Variants in ANPEP observed in about 807,000 individuals in gnomAD.
The protein encoded by ANPEP is alanyl aminopeptidase, membrane, also known as aminopeptidase N.
Under a neutral mutation model 114.6 loss-of-function variants are expected in ANPEP, and 70 were observed. The ratio of observed to expected loss-of-function variants is 0.61; its 90% CI spans 0.50 to 0.75. The LOEUF (loss-of-function observed/expected upper bound fraction) is 0.75. Among genes scored for constraint, ANPEP ranks in the 30% least tolerant of loss-of-function variants. ANPEP has a pLI of 0.00. For synonymous variants in ANPEP, 548 were observed against 522.3 expected (o/e 1.05, Z -0.67); for missense variants, 1,184 against 1,259.5 (o/e 0.94, Z 0.91).
chr15:89,793,501 G>T (rs1025422418), intron 15 of ANPEP, among the ~76,000 whole-genome samples: 2 of 152,040 alleles, frequency 1.3e-5, no homozygotes, highest in Non-Finnish European at 2.9e-5. Context: ...AGGAGTTCGA[G>T]ATCAGCCTGG....
Position 89,803,728 on chromosome 15 carries a change from G to A in ANPEP, c.1356C>T (p.Ser452=). The A allele has an allele frequency of 6.2e-7, 1 of 1,612,820 alleles. No homozygotes were observed. Among genetic ancestry groups the A allele is most frequent in the Non-Finnish European group, 8.5e-7 (1 of 1,179,242 alleles). Residue 452 remains serine, a synonymous_variant, in exon 8 of 21, where the codon TCC becomes TCT. Coordinates refer to ENST00000300060, the MANE Select transcript of ANPEP (RefSeq NM_001150.3). The surrounding 1 kb of genome is among the most constrained non-coding windows in gnomAD (Gnocchi z 4.2). The stretch of plus-strand genomic sequence containing the variant: ...CCGAGGCGGGTGTGGACAGCGGGTG[G>A]GAGGAGGCCAGTGCATCCACTGCCA... ...RVMAVDALAS[S]HPLSTPASEI...
Position 89,805,406 on chromosome 15 carries a change from G to C in ANPEP, c.672C>G (p.Phe224Leu). The C allele has an allele frequency of 6.2e-7, 1 of 1,614,176 alleles. No homozygotes were observed. Among genetic ancestry groups the C allele is most frequent in the Non-Finnish European group, 8.5e-7 (1 of 1,180,018 alleles). The change falls in exon 3 of 21, where the codon TTC becomes TTG. Residue 224 changes from phenylalanine to leucine, a missense_variant. Physicochemically the swap from Phe to Leu is conservative, Grantham distance 22. Transcript: ENST00000300060. ...AADARKSFPC[F>L]DEPAMKAEFN... Reference sequence around the variant, plus strand: ...ACTCGGCCTTCATGGCCGGCTCATCGAAGCATGGGAAGGACTTCCGGGCAT... The same window carrying C: ...ACTCGGCCTTCATGGCCGGCTCATCCAAGCATGGGAAGGACTTCCGGGCAT...
At chr15:89,788,537 T>C (rs752146370) in intron 20 of ANPEP, among the ~76,000 whole-genome samples, 7 of 152,178 alleles carry the variant, frequency 4.6e-5, no homozygotes, top group Non-Finnish European at 1.0e-4. Flanking sequence ...ATAAAAATGT[T>C]CTGGAATTAG....
chr15:89,804,442 G>A (rs775243670), intron 5 of ANPEP, 35 bp from the exon 6 acceptor site: 18 of 1,613,940 alleles, frequency 1.1e-5, no homozygotes, highest in South Asian at 5.5e-5. Context: ...GATGAACTCC[G>A]GGAGTGGAGC....
chr15:89,803,911 T>G lies in ANPEP; in HGVS notation c.1271A>C (p.Tyr424Ser). ...ASYVEYLGAD[Y>S]AEPTWNLKDL... is the part of the protein sequence containing the mutation. The stretch of plus-strand genomic sequence containing the variant: ...TACCAAGTTCCAGGTGGGCTCCGCA[T>G]AGTCAGCACCCAGGTACTCCACGTA... The change falls in exon 7 of 21, where the codon TAT (tyrosine) becomes TCT (serine). Residue 424 changes from tyrosine (Y) to serine (S), a missense_variant. Physicochemically the swap from Tyr to Ser is moderately radical, Grantham distance 144. Transcript: ENST00000300060. This position sits in a 1 kb window ranked among gnomAD's most constrained non-coding sequence, Gnocchi z 4.2. The G allele has an allele frequency of 6.2e-7, 1 of 1,614,178 alleles. No homozygotes were observed. The highest frequency in any genetic ancestry group is 8.5e-7 in the Non-Finnish European group (1 of 1,180,016).
At chr15:89,813,995 G>GGGC (rs200311540) in intron 1 of ANPEP, among the ~76,000 whole-genome samples, 2,497 of 146,212 alleles carry the variant, frequency 0.017, 118 homozygotes, top group Middle Eastern at 0.046. Flanking sequence ...CACTGCTGGG[G>GGGC]GGGGGGGGTG....
intron 15 of ANPEP, among the ~76,000 whole-genome samples, chr15:89,796,284 A>C (rs28699258): frequency 0.47 from 72,173 of 152,100 alleles, 20,331 homozygotes; most frequent in African/African-American, 0.77. Flanking sequence ...AAGGAAACAT[A>C]AACATAGTGC....
chr15:89,797,726 G>C lies in ANPEP; in HGVS notation c.2010-4C>G, dbSNP rs1367669347. On this transcript the variant is annotated splice_polypyrimidine_tract_variant and splice_region_variant and intron_variant, in intron 14 of 20. Coordinates refer to ENST00000300060, the MANE Select transcript of ANPEP (RefSeq NM_001150.3). The stretch of plus-strand genomic sequence containing the variant: ...AGTGACAGGGACCTTATGGGCACTG[G>C]GAATAAACAGAGGGGCCCAAGTAAA... 6.2e-7 allele frequency: 1 copy of C among 1,613,942 alleles called. No individual in the cohort carries two copies. Among genetic ancestry groups the C allele is most frequent in the East Asian group, 2.2e-5 (1 of 44,864 alleles).
chr15:89,813,321 G>A (rs1894848103), intron 1 of ANPEP, among the ~76,000 whole-genome samples: 1 of 152,194 alleles, frequency 6.6e-6, no homozygotes, highest in Non-Finnish European at 1.5e-5. Flanking sequence ...AATTCTTACA[G>A]CGATGGGGCT....
chr15:89,796,259 T>C (rs906981999), intron 15 of ANPEP, among the ~76,000 whole-genome samples: 2 of 152,222 alleles, frequency 1.3e-5, no homozygotes, highest in Non-Finnish European at 2.9e-5. Context: ...GATACATTTG[T>C]AACTGTGTAC....
rs1309862759 is a variant in ANPEP at position 89,806,584 on chromosome 15, G to A, written c.-1C>T. The A allele has an allele frequency of 8.8e-6, 14 of 1,589,354 alleles. No homozygotes were observed. Among genetic ancestry groups the A allele is most frequent in the Non-Finnish European group, 1.2e-5 (14 of 1,165,326 alleles). ...TGGAAATATAGAAGCCCTTGGCCAT[G>A]GTGATGGTGGGGAGGCGGCTCAGGG... On this transcript the variant is annotated 5_prime_UTR_variant, in exon 2 of 21. Coordinates refer to ENST00000300060, the MANE Select transcript of ANPEP (RefSeq NM_001150.3). The surrounding 1 kb of genome is among the most constrained non-coding windows in gnomAD (Gnocchi z 5.7).
In ANPEP at chr15:89,799,398, G is replaced by C. The variant is rs529750702; in HGVS notation, c.1953+28C>G. 1.9e-6 allele frequency: 3 copies of C among 1,614,138 alleles called. No homozygotes were observed. In the African/African-American group the frequency reaches 4.0e-5, roughly 22 times the overall value. ...GTCTGGTGCCTGTCCTGGGGCAGGG[G>C]GCAGGGCGAGGGGTGGCAGACACTC... On this transcript the variant is annotated intron_variant, in intron 13 of 20. Coordinates refer to ENST00000300060, the MANE Select transcript of ANPEP (RefSeq NM_001150.3). This position sits in a 1 kb window ranked among gnomAD's most constrained non-coding sequence, Gnocchi z 4.2.
chr15:89,791,231 G>C (rs1255682076), intron 18 of ANPEP, 138 bp from the exon 19 acceptor site: 1 of 980,646 alleles, frequency 1.0e-6, no homozygotes. Context: ...GGACCCCTTG[G>C]TCCTTCTTCC....
At chr15:89,813,895 G>T (rs964121340) in intron 1 of ANPEP, among the ~76,000 whole-genome samples, 1 of 152,154 alleles carries the variant, frequency 6.6e-6, no homozygotes, top group Middle Eastern at 3.4e-3. Flanking sequence ...GGCCTGGTGG[G>T]TTGCAGTCCA....
At chr15:89,809,416 C>T (rs996681607) in intron 1 of ANPEP, among the ~76,000 whole-genome samples, 3 of 152,222 alleles carry the variant, frequency 2.0e-5, no homozygotes, top group African/African-American at 7.2e-5. Context: ...AGACCATAGG[C>T]CCAGCTGGCT....
rs375864084 is a variant in ANPEP at position 89,792,239 on chromosome 15, G to A, written c.2449C>T (p.Arg817Ter). 2.2e-5 allele frequency: 35 copies of A among 1,614,100 alleles called. No homozygotes were observed. The highest frequency in any genetic ancestry group is 1.6e-4 in the Middle Eastern group (1 of 6,084). Residue 817 changes from arginine (R) to a stop codon, truncating the protein, a stop_gained, in exon 18 of 21, where the codon CGA becomes TGA. Transcript: ENST00000300060. LOFTEE classifies it high-confidence loss of function. ...GCCTCATTGACCAGTGTGGCATTTCGGAACTGCTCCCAGGCGAAGTCCCAC... is the reference window on the plus strand; with the variant it reads ...GCCTCATTGACCAGTGTGGCATTTCAGAACTGCTCCCAGGCGAAGTCCCAC... ...EEWDFAWEQF[R>*]NATLVNEADK...
chr15:89,806,460 T>C lies in ANPEP; in HGVS notation c.124A>G (p.Asn42Asp). The part of the protein sequence containing the change: ...VYSQEKNKNA[N>D]SSPVASTTPS... ...GTGGTGGAGGCCACGGGGGAGCTGTTGGCGTTCTTGTTCTTCTCCTGGGAG... is the reference window on the plus strand; with the variant it reads ...GTGGTGGAGGCCACGGGGGAGCTGTCGGCGTTCTTGTTCTTCTCCTGGGAG... The change falls in exon 2 of 21, where the codon AAC becomes GAC. Residue 42 changes from asparagine to aspartate, a missense_variant. Coordinates refer to ENST00000300060, the MANE Select transcript of ANPEP (RefSeq NM_001150.3). This position sits in a 1 kb window ranked among gnomAD's most constrained non-coding sequence, Gnocchi z 5.7. 6.2e-7 allele frequency: 1 copy of C among 1,614,106 alleles called. No homozygotes were observed. Among genetic ancestry groups the C allele is most frequent in the Non-Finnish European group, 8.5e-7 (1 of 1,179,976 alleles).
chr15:89,795,999 G>C (rs528916310), intron 15 of ANPEP, among the ~76,000 whole-genome samples: 1 of 152,218 alleles, frequency 6.6e-6, no homozygotes, highest in Non-Finnish European at 1.5e-5. Flanking sequence ...AGGATTGCTT[G>C]AAGCCAGGTG....
At chr15:89,812,973 G>A (rs1030963620) in intron 1 of ANPEP, among the ~76,000 whole-genome samples, 1 of 152,132 alleles carries the variant, frequency 6.6e-6, no homozygotes, top group Non-Finnish European at 1.5e-5. Context: ...GTTAGCCAGG[G>A]AGTGCTGGGG....
Sources: gnomAD v4.1 joint callset for allele counts (sites outside exome capture counted in the v4.1 genomes callset) on GRCh38, gnomAD v4.1.1 for gene constraint, Gnocchi (gnomAD v3.1) non-coding constraint, MANE v1.5 for transcripts, NCBI Gene and HGNC (gene_info 2026-07-23, HGNC 2026-07-21) for gene names.